The following MAT2B variants were observed in gnomAD, a reference collection of about 807,000 sequenced individuals.
MAT2B encodes the protein methionine adenosyltransferase 2 non-catalytic beta subunit, also known as methionine adenosyltransferase 2 subunit beta.
A neutral mutation model predicts 36.1 loss-of-function variants in MAT2B; 16 were observed. The ratio of observed to expected loss-of-function variants is 0.44; its 90% CI spans 0.30 to 0.67. MAT2B has a LOEUF of 0.67. Among genes scored for constraint, MAT2B ranks in the 30% least tolerant of loss-of-function variants. MAT2B has a pLI of 0.09. For missense variants in MAT2B, 332 were observed against 398.2 expected (o/e 0.83, Z 1.42); for synonymous variants, 148 against 136.9 (o/e 1.08, Z -0.57).
upstream of MAT2B, chr5:163,505,498 C>T: frequency 8.1e-7 from 1 of 1,236,030 alleles, no homozygotes; most frequent in Non-Finnish European, 1.0e-6. Context: ...CGTACCCGCC[C>T]TCTTTCTGGG....
chr5:163,512,765 C>T (rs1396218584), intron 2 of MAT2B: 2 of 429,948 alleles, frequency 4.7e-6, no homozygotes, highest in Non-Finnish European at 9.2e-6. Context: ...CTGCAGCCTC[C>T]GCCTCCCAGG....
upstream of MAT2B, chr5:163,505,575 G>A (rs1219505576): frequency 1.1e-5 from 14 of 1,246,924 alleles, no homozygotes; most frequent in African/African-American, 1.5e-5. Flanking sequence ...CGGCGAGCGG[G>A]GTCGTTCTGG....
At chr5:163,509,034 C>A (rs1189511302) in intron 1 of MAT2B, among the ~76,000 whole-genome samples, 2 of 152,066 alleles carry the variant, frequency 1.3e-5, no homozygotes, top group East Asian at 3.9e-4. Context: ...CCCTAAAGAG[C>A]CTTGTTCTTC....
upstream of MAT2B, among the ~76,000 whole-genome samples, chr5:163,504,301 A>G (rs1458322793): frequency 1.4e-5 from 2 of 146,792 alleles, 1 homozygote; most frequent in South Asian, 4.5e-4. Context: ...AATAAAGCCA[A>G]ACTAATGAAC....
chr5:163,519,117 A>G lies in MAT2B; in HGVS notation c.*754A>G, dbSNP rs1258881377. ...GGCCTTGTAAGTCTTTTCACCATTC[A>G]TGAATAATAATAAATATGTACTGCT... On this transcript the variant is annotated 3_prime_UTR_variant, in exon 7 of 7. Coordinates refer to ENST00000321757, the MANE Select transcript of MAT2B (RefSeq NM_013283.5). 1 of 152,172 alleles carries G rather than the reference A, an allele frequency of 6.6e-6. No individual in the cohort carries two copies. The highest frequency in any genetic ancestry group is 1.5e-5 in the Non-Finnish European group (1 of 68,030). The allele number at this position is 152,172 out of a possible 1,614,324, so 9.4% of individuals were successfully genotyped here.
At chr5:163,506,295 G>A (rs1369187825) in intron 1 of MAT2B, among the ~76,000 whole-genome samples, 7 of 152,308 alleles carry the variant, frequency 4.6e-5, no homozygotes, top group Non-Finnish European at 4.4e-5. Flanking sequence ...GGCATAGAGG[G>A]TGAGACATTG....
intron 2 of MAT2B, chr5:163,512,639 C>T (rs1760063841): frequency 4.6e-6 from 2 of 434,244 alleles, no homozygotes; most frequent in Non-Finnish European, 9.1e-6. Flanking sequence ...TTCCTTTTGT[C>T]CAAATTGGGG....
intron 1 of MAT2B, among the ~76,000 whole-genome samples, chr5:163,509,632 G>T (rs1760007194): frequency 6.6e-6 from 1 of 152,168 alleles, no homozygotes; most frequent in Non-Finnish European, 1.5e-5. Context: ...GAGGAACTCA[G>T]AAGAAACCAA....
rs1760074398 is a variant in MAT2B, at chr5:163,513,204, T to G, written c.259-351T>G. Reference sequence around the variant, plus strand: ...GTACCAACCACTATGTTGCCTAGTCTTATCTTGAACTCCTGGCCTCAAGCA... The same window carrying G: ...GTACCAACCACTATGTTGCCTAGTCGTATCTTGAACTCCTGGCCTCAAGCA... On this transcript the variant is annotated intron_variant, in intron 2 of 6. Transcript: ENST00000321757. 2.1e-5 allele frequency: 4 copies of G among 189,860 alleles called. No individual in the cohort carries two copies. In the South Asian group the frequency reaches 4.1e-4, roughly 20 times the overall value. The allele number at this position is 189,860 out of a possible 1,614,324, so 11.8% of individuals were successfully genotyped here.
At chr5:163,507,838 C>T (rs1432781124) in intron 1 of MAT2B, among the ~76,000 whole-genome samples, 1 of 152,100 alleles carries the variant, frequency 6.6e-6, no homozygotes, top group African/African-American at 2.4e-5. Flanking sequence ...CGGAGTAATG[C>T]ATATTCAGAG....
Position 163,517,686 on chromosome 5 carries a change from G to A in MAT2B, c.834+12G>A. The A allele has an allele frequency of 6.5e-7, 1 of 1,549,894 alleles. No individual in the cohort carries two copies. Among genetic ancestry groups the A allele is most frequent in the Non-Finnish European group, 8.9e-7 (1 of 1,121,752 alleles). ...GTCACTTAAGACCTGTAAGTACATG[G>A]CTGTAAAAACCTTTAGATCCATTGC... On this transcript the variant is annotated intron_variant, in intron 6 of 6. Transcript: ENST00000321757.
intron 5 of MAT2B, 120 bp downstream of exon 5, chr5:163,516,831 T>C (rs1457398137): frequency 3.2e-6 from 3 of 934,248 alleles, no homozygotes; most frequent in African/African-American, 3.3e-5. Context: ...TTTTTAAAAC[T>C]AGGAGACCAA....
chr5:163,506,641 T>G (rs1392771453), intron 1 of MAT2B, among the ~76,000 whole-genome samples: 1 of 152,210 alleles, frequency 6.6e-6, no homozygotes. Flanking sequence ...GGTTTTCAAA[T>G]CACTTTGGTT....
At chr5:163,514,723 A>C (rs1561657760) in intron 4 of MAT2B, among the ~76,000 whole-genome samples, 1 of 152,220 alleles carries the variant, frequency 6.6e-6, no homozygotes, top group Non-Finnish European at 1.5e-5. Flanking sequence ...CCTGCACTAA[A>C]ACTACTGCCT....
At chr5:163,518,167 T>G in intron 6 of MAT2B, 26 bp from the exon 7 acceptor site, 1 of 1,551,960 alleles carries the variant, frequency 6.4e-7, no homozygotes, top group South Asian at 1.2e-5. Context: ...TACTTTTGAT[T>G]TTTTTGTGTT....
Position 163,519,061 on chromosome 5 carries a change from T to C in MAT2B, c.*698T>C, listed in dbSNP as rs184421743. Reference sequence around the variant, plus strand: ...CATCCCATGTTGCCGCTAAGTGATATTTCATATGTGTGGTTATACTCATAA... The same window carrying C: ...CATCCCATGTTGCCGCTAAGTGATACTTCATATGTGTGGTTATACTCATAA... On this transcript the variant is annotated 3_prime_UTR_variant, in exon 7 of 7. Coordinates refer to ENST00000321757, the MANE Select transcript of MAT2B (RefSeq NM_013283.5). The C allele has an allele frequency of 3.9e-5, 6 of 152,434 alleles. No homozygotes were observed. In the East Asian group the frequency reaches 1.2e-3, roughly 29 times the overall value. The allele number at this position is 152,434 out of a possible 1,614,324, so 9.4% of individuals were successfully genotyped here.
chr5:163,503,468 G>A (rs750006444), upstream of MAT2B: 71 of 1,579,430 alleles, frequency 4.5e-5, no homozygotes, highest in Non-Finnish European at 6.2e-5. Flanking sequence ...TAGAGTAAGA[G>A]ATGCTTTAAA....
upstream of MAT2B, chr5:163,503,105 A>C (rs1028028969): frequency 1.0e-5 from 4 of 392,530 alleles, no homozygotes; most frequent in African/African-American, 2.1e-5. Flanking sequence ...AGTTCTACCA[A>C]ATAGTTTTGC....
At chr5:163,509,858 CA>C (rs1290049693) in intron 1 of MAT2B, among the ~76,000 whole-genome samples, 1 of 152,144 alleles carries the variant, frequency 6.6e-6, no homozygotes, top group Non-Finnish European at 1.5e-5. Context: ...CCAAGTTTTG[CA>C]ACACAGCCTG....
Sources: gnomAD v4.1 joint callset for allele counts (sites outside exome capture counted in the v4.1 genomes callset) on GRCh38, gnomAD v4.1.1 for gene constraint, MANE v1.5 for transcripts, NCBI Gene and HGNC (gene_info 2026-07-23, HGNC 2026-07-21) for gene names.